The following LOC400499 variants were observed in gnomAD, a reference collection of about 807,000 sequenced individuals.
the LOC400499 span, among the ~76,000 whole-genome samples, chr16:11,515,470 C>T: frequency 6.9e-6 from 1 of 145,006 alleles, no homozygotes; most frequent in African/African-American, 2.9e-5. Flanking sequence ...GAAATACATA[C>T]ATACGTACGT....
At chr16:11,446,506 A>T in the LOC400499 span, 3 of 1,515,490 alleles carry the variant, frequency 2.0e-6, no homozygotes, top group African/African-American at 4.1e-5. Context: ...AACTTGAACC[A>T]GGGCTGGCTG....
At chr16:11,508,960 A>G in the LOC400499 span, 8 of 397,232 alleles carry the variant, frequency 2.0e-5, no homozygotes, top group Non-Finnish European at 3.1e-5. Context: ...TTCCTTCAGC[A>G]TGTTTCAGGC....
the LOC400499 span, chr16:11,484,970 G>C: frequency 2.5e-6 from 1 of 399,256 alleles, no homozygotes; most frequent in Non-Finnish European, 4.4e-6. Flanking sequence ...TGGCCCTGGG[G>C]GTTCCTCTGG....
At chr16:11,408,615 A>G in the LOC400499 span, among the ~76,000 whole-genome samples, 3 of 152,034 alleles carry the variant, frequency 2.0e-5, no homozygotes, top group Admixed American at 1.3e-4. Flanking sequence ...ACAGGTACAC[A>G]CCACCATGCC....
the LOC400499 span, among the ~76,000 whole-genome samples, chr16:11,515,452 C>T: frequency 6.6e-6 from 1 of 151,820 alleles, no homozygotes; most frequent in African/African-American, 2.4e-5. Context: ...TGGGACTCTG[C>T]CTCTAAGGAA....
the LOC400499 span, among the ~76,000 whole-genome samples, chr16:11,421,576 G>C: frequency 1.3e-5 from 2 of 152,140 alleles, no homozygotes; most frequent in Non-Finnish European, 1.5e-5. Context: ...TAATTTTGTT[G>C]TATTTTTAGT....
the LOC400499 span, among the ~76,000 whole-genome samples, chr16:11,464,743 G>A: frequency 1.3e-5 from 2 of 152,212 alleles, no homozygotes; most frequent in South Asian, 4.1e-4. Flanking sequence ...ATGAGTCTGG[G>A]GCAGACGGAA....
chr16:11,421,171 G>A, the LOC400499 span, among the ~76,000 whole-genome samples: 2 of 152,152 alleles, frequency 1.3e-5, no homozygotes, highest in Non-Finnish European at 1.5e-5. Context: ...ACAGCAGAGA[G>A]GCCAGGGGTG....
the LOC400499 span, chr16:11,450,834 A>G: frequency 2.0e-6 from 3 of 1,522,104 alleles, no homozygotes; most frequent in Non-Finnish European, 2.6e-6. Context: ...CAAGCAACAA[A>G]GAAGGAGAAT....
At chr16:11,436,887 C>T in the LOC400499 span, among the ~76,000 whole-genome samples, 2 of 152,212 alleles carry the variant, frequency 1.3e-5, no homozygotes, top group East Asian at 3.9e-4. Flanking sequence ...AGCTACCATG[C>T]CTGGCCTGGA....
chr16:11,468,977 A>C, the LOC400499 span, among the ~76,000 whole-genome samples: 1 of 152,214 alleles, frequency 6.6e-6, no homozygotes, highest in Non-Finnish European at 1.5e-5. Context: ...TTTTAACATC[A>C]ATGACGGTGG....
At chr16:11,383,761 C>A in the LOC400499 span, 4 of 1,232,196 alleles carry the variant, frequency 3.2e-6, no homozygotes, top group African/African-American at 6.2e-5. Context: ...CACACACAGG[C>A]TGAGGAATGG....
the LOC400499 span, among the ~76,000 whole-genome samples, chr16:11,500,370 G>A: frequency 6.6e-6 from 1 of 152,116 alleles, no homozygotes; most frequent in African/African-American, 2.4e-5. Flanking sequence ...ACTTAGCCAG[G>A]TGGGGTGGTG....
chr16:11,505,440 C>CTT, the LOC400499 span, among the ~76,000 whole-genome samples: 23 of 75,314 alleles, frequency 3.1e-4, no homozygotes, highest in Non-Finnish European at 5.4e-4. Flanking sequence ...TTTAATTTTT[C>CTT]TTTTCTTTTT....
the LOC400499 span, among the ~76,000 whole-genome samples, chr16:11,412,663 A>AT: frequency 5.7e-3 from 863 of 152,298 alleles, 5 homozygotes; most frequent in Middle Eastern, 0.017. Context: ...AGGATGAGGG[A>AT]TTTTTATAGC....
chr16:11,414,604 G>A, the LOC400499 span: 1 of 399,030 alleles, frequency 2.5e-6, no homozygotes, highest in Non-Finnish European at 4.4e-6. Flanking sequence ...ATGCCCTGTG[G>A]CCCTCAAACA....
chr16:11,469,409 G>A, the LOC400499 span: 2 of 398,876 alleles, frequency 5.0e-6, no homozygotes, highest in East Asian at 7.1e-5. Flanking sequence ...ACCTCAGGAG[G>A]TCACAGACAA....
At chr16:11,458,821 G>A in the LOC400499 span, among the ~76,000 whole-genome samples, 6 of 152,130 alleles carry the variant, frequency 3.9e-5, no homozygotes, top group Admixed American at 1.3e-4. Flanking sequence ...GATCACCTGA[G>A]GTCAGGAGTT....
At chr16:11,411,751 G>A in the LOC400499 span, among the ~76,000 whole-genome samples, 1 of 152,070 alleles carries the variant, frequency 6.6e-6, no homozygotes, top group African/African-American at 2.4e-5. Context: ...TGGACAGCAG[G>A]ATTTTAACCC....
Sources: allele counts gnomAD v4.1 joint callset (sites outside exome capture counted in the v4.1 genomes callset), GRCh38; gene constraint gnomAD v4.1.1; transcripts MANE v1.5.